Variants in RBFOX2 observed in about 807,000 individuals in gnomAD.
The protein encoded by RBFOX2 is RNA binding protein fox-1 homolog 2.
RBFOX2 carries 10 observed loss-of-function variants against 49.1 expected under a neutral mutation model. The observed-to-expected ratio is 0.20, with a 90% CI of 0.13 to 0.35. The LOEUF (loss-of-function observed/expected upper bound fraction) is 0.35, where lower values mean the gene tolerates loss of function less well. RBFOX2 is among the 10% of genes least tolerant of loss of function. RBFOX2 has a pLI of 1.00. For missense variants in RBFOX2, 323 were observed against 486.9 expected, an observed-to-expected ratio of 0.66 and a Z score of 3.17; for synonymous variants, 183 against 187.4, an observed-to-expected ratio of 0.98 and a Z score of 0.19.
chr22:36,015,759 G>C (rs2146444900), intron 1 of RBFOX2, among the ~76,000 whole-genome samples: 1 of 151,814 alleles, frequency 6.6e-6, no homozygotes, highest in South Asian at 2.1e-4. Flanking sequence ...AATTTAATCG[G>C]GGCAGGGGGC....
chr22:35,933,928 A>ATT (rs1569498168), intron 1 of RBFOX2, among the ~76,000 whole-genome samples: 1 of 101,872 alleles, frequency 9.8e-6, no homozygotes, highest in African/African-American at 4.0e-5. Flanking sequence ...ATTAAATGTT[A>ATT]TATATATATA....
intron 1 of RBFOX2, among the ~76,000 whole-genome samples, chr22:35,927,426 G>T (rs2051780738): frequency 6.6e-6 from 1 of 152,016 alleles, no homozygotes; most frequent in Non-Finnish European, 1.5e-5. Context: ...CCAAAATGGA[G>T]AAATCCTGTC....
chr22:35,856,700 G>A (rs750926042), intron 1 of RBFOX2, among the ~76,000 whole-genome samples: 1 of 151,914 alleles, frequency 6.6e-6, no homozygotes, highest in Admixed American at 6.6e-5. Flanking sequence ...GGGGGTGGAG[G>A]AGGAAGATAT....
chr22:35,745,812 C>A, intron 11 of RBFOX2, 111 bp downstream of exon 13: 1 of 1,111,292 alleles, frequency 9.0e-7, no homozygotes, highest in Non-Finnish European at 1.3e-6. Flanking sequence ...GCTTTAATAC[C>A]TTGATGGTGG....
intron 1 of RBFOX2, among the ~76,000 whole-genome samples, chr22:35,921,448 G>C (rs149925796): frequency 6.6e-6 from 1 of 152,318 alleles, no homozygotes; most frequent in Admixed American, 6.5e-5. Context: ...ATGCTGATGC[G>C]GCTGGATTTG....
intron 1 of RBFOX2, among the ~76,000 whole-genome samples, chr22:35,936,100 T>C (rs535149285): frequency 6.6e-6 from 1 of 152,066 alleles, no homozygotes; most frequent in South Asian, 2.1e-4. Flanking sequence ...TGGTCCCAGC[T>C]ACTCAGGAGG....
At chr22:35,771,839 G>A (rs937185900) in intron 4 of RBFOX2, among the ~76,000 whole-genome samples, 1 of 152,092 alleles carries the variant, frequency 6.6e-6, no homozygotes, top group Non-Finnish European at 1.5e-5. Flanking sequence ...TGCTAAAGAT[G>A]TTCACAGATT....
chr22:36,016,587 A>T (rs1486540493), intron 1 of RBFOX2, among the ~76,000 whole-genome samples: 1 of 152,220 alleles, frequency 6.6e-6, no homozygotes, highest in African/African-American at 2.4e-5. Context: ...CCAAGGAACC[A>T]GCCTATACAT....
chr22:35,949,235 G>T (rs2054641665), intron 1 of RBFOX2, among the ~76,000 whole-genome samples: 3 of 152,154 alleles, frequency 2.0e-5, no homozygotes, highest in Admixed American at 2.0e-4. Context: ...CTGTATTGTA[G>T]CCTACAATAT....
At chr22:35,879,942 G>A (rs1341774273) in intron 1 of RBFOX2, among the ~76,000 whole-genome samples, 4 of 152,202 alleles carry the variant, frequency 2.6e-5, no homozygotes, top group Non-Finnish European at 5.9e-5. Flanking sequence ...GATCACTTGA[G>A]GCCAGGAATT....
intron 1 of RBFOX2, among the ~76,000 whole-genome samples, chr22:35,815,996 A>G (rs1334084725): frequency 3.3e-5 from 5 of 152,220 alleles, no homozygotes; most frequent in African/African-American, 1.2e-4. Context: ...CAAGAGGAAA[A>G]TAACAGCTAT....
intron 1 of RBFOX2, chr22:35,897,418 T>C (rs1366459792): frequency 2.2e-6 from 2 of 895,950 alleles, no homozygotes; most frequent in East Asian, 2.4e-5. Context: ...GACAAGGTCA[T>C]GTCTGTGATG....
At chr22:35,936,782 T>C (rs1398527905) in intron 1 of RBFOX2, among the ~76,000 whole-genome samples, 2 of 152,192 alleles carry the variant, frequency 1.3e-5, no homozygotes, top group Non-Finnish European at 2.9e-5. Flanking sequence ...GACTACTTTT[T>C]TAGGCTTTAA....
chr22:35,808,049 A>T (rs533028837), intron 2 of RBFOX2, among the ~76,000 whole-genome samples: 1 of 152,134 alleles, frequency 6.6e-6, no homozygotes, highest in African/African-American at 2.4e-5. Context: ...TGAAAAAAAA[A>T]CCCTGATAAT....
intron 1 of RBFOX2, among the ~76,000 whole-genome samples, chr22:35,867,610 C>T (rs2043842143): frequency 6.6e-6 from 1 of 152,036 alleles, no homozygotes; most frequent in African/African-American, 2.4e-5. Flanking sequence ...AATATTGTTG[C>T]TTTGGTAAGG....
upstream of RBFOX2, among the ~76,000 whole-genome samples, chr22:35,841,276 A>G (rs1183826911): frequency 5.9e-5 from 9 of 152,166 alleles, no homozygotes; most frequent in Non-Finnish European, 7.4e-5. Context: ...TACCCTAGAA[A>G]TTTGTGTCAT....
intron 1 of RBFOX2, among the ~76,000 whole-genome samples, chr22:35,934,554 A>G (rs946914509): frequency 2.0e-5 from 3 of 152,168 alleles, no homozygotes; most frequent in African/African-American, 7.2e-5. Context: ...TTATATGGTC[A>G]CCTTATTTAT....
chr22:35,971,711 A>T (rs2056878518), intron 1 of RBFOX2, among the ~76,000 whole-genome samples: 1 of 152,070 alleles, frequency 6.6e-6, no homozygotes, highest in African/African-American at 2.4e-5. Context: ...AGACAACATG[A>T]GACGGTTGCT....
At chr22:35,895,377 C>T (rs2047717143) in intron 1 of RBFOX2, among the ~76,000 whole-genome samples, 1 of 152,146 alleles carries the variant, frequency 6.6e-6, no homozygotes, top group Non-Finnish European at 1.5e-5. Flanking sequence ...GCAAGTGAGC[C>T]AAGCTTTCCC....
Sources: allele counts gnomAD v4.1 joint callset (sites outside exome capture counted in the v4.1 genomes callset), GRCh38; gene constraint gnomAD v4.1.1; transcripts MANE v1.5; gene names NCBI Gene and HGNC (gene_info 2026-07-23, HGNC 2026-07-21).